Variants in TDRD12 observed in about 807,000 individuals in gnomAD.
TDRD12 encodes tudor domain containing 12.
In TDRD12, 158 loss-of-function variants were observed where a neutral mutation model predicts 133.5. The observed-to-expected ratio is 1.18, with a 90% CI of 1.04 to 1.35. The LOEUF is 1.35. TDRD12 is among the 40% of genes most tolerant of loss of function. TDRD12 has a pLI of 0.00. For missense variants in TDRD12, 1,443 were observed against 1,321.3 expected (o/e 1.09, Z -1.43); for synonymous variants, 460 against 477.9 (o/e 0.96, Z 0.49).
intron 13 of TDRD12, among the ~76,000 whole-genome samples, chr19:32,792,201 G>A (rs1410569072): frequency 3.3e-5 from 5 of 151,816 alleles, no homozygotes; most frequent in Non-Finnish European, 2.9e-5. Flanking sequence ...AGCTGAGATT[G>A]TGCCACTGAA....
At chr19:32,800,227 C>T in exon 17 of TDRD12, 1 of 1,532,552 alleles carries the variant, frequency 6.5e-7, no homozygotes, top group Non-Finnish European at 8.7e-7. Flanking sequence ...GGAATCTGCA[C>T]CACATCAGAT....
chr19:32,748,358 C>G, intron 4 of TDRD12, 118 bp from the exon 5 acceptor site: 1 of 1,019,670 alleles, frequency 9.8e-7, no homozygotes, highest in South Asian at 1.6e-5. Flanking sequence ...GCCCCATCAT[C>G]TGCATCACGT....
chr19:32,797,271 A>G (rs1971259266), intron 14 of TDRD12, among the ~76,000 whole-genome samples: 2 of 152,022 alleles, frequency 1.3e-5, no homozygotes, highest in African/African-American at 4.8e-5. Flanking sequence ...GTGAGCCACT[A>G]CACCCAGCCA....
chr19:32,785,213 A>G (rs2145643313), intron 11 of TDRD12, among the ~76,000 whole-genome samples: 1 of 152,300 alleles, frequency 6.6e-6, no homozygotes, highest in African/African-American at 2.4e-5. Flanking sequence ...TCATTTCATT[A>G]TGTATCCAGT....
At chr19:32,757,516 G>A (rs764371810) in intron 8 of TDRD12, among the ~76,000 whole-genome samples, 1 of 152,184 alleles carries the variant, frequency 6.6e-6, no homozygotes, top group Admixed American at 6.5e-5. Context: ...TTAAATTCCA[G>A]TCTTCAAGAT....
chr19:32,796,546 T>C (rs1187646051), intron 14 of TDRD12, among the ~76,000 whole-genome samples: 2 of 151,696 alleles, frequency 1.3e-5, no homozygotes, highest in Non-Finnish European at 2.9e-5. Flanking sequence ...GATCGCACCA[T>C]TGCACTCCAG....
At chr19:32,810,196 T>G in exon 23 of TDRD12, 1 of 1,536,102 alleles carries the variant, frequency 6.5e-7, no homozygotes, top group South Asian at 1.2e-5. Flanking sequence ...AATGAGTATT[T>G]TAAGGATTCT....
chr19:32,803,874 C>T (rs1971469409), intron 21 of TDRD12, among the ~76,000 whole-genome samples: 2 of 151,732 alleles, frequency 1.3e-5, no homozygotes, highest in African/African-American at 4.8e-5. Flanking sequence ...TGTGAAGTGC[C>T]CGTTGAGGTC....
At chr19:32,734,671 C>A (rs1166213251) in intron 2 of TDRD12, among the ~76,000 whole-genome samples, 1 of 152,120 alleles carries the variant, frequency 6.6e-6, no homozygotes, top group African/African-American at 2.4e-5. Flanking sequence ...CTGCGCCTGG[C>A]CCTTTACACT....
rs1350489719 is a variant in TDRD12, at chr19:32,810,285, A to T, written c.2837+8A>T. On this transcript the variant is annotated splice_region_variant and intron_variant, in intron 23 of 27. Coordinates refer to ENST00000444215, the Ensembl canonical transcript of TDRD12. ...AAAAACGCTTTTTCACAGGTAACAC[A>T]TCTGTTTACTTCATCTGTAAAGTTT... 1.3e-6 allele frequency: 2 copies of T among 1,499,698 alleles called. No individual in the cohort carries two copies. Among genetic ancestry groups the T allele is most frequent in the Admixed American group, 2.3e-5 (1 of 43,682 alleles). 92.9% of individuals were successfully genotyped at this position (1,499,698 alleles called of 1,614,324 possible).
Position 32,757,278 on chromosome 19 carries a change from A to T in TDRD12, c.865+148A>T, listed in dbSNP as rs62126489. ...TAACCAATTTGTGATGTAGATCCTG[A>T]AAGAGTTCATGTGTCCTGCATTTCA... On this transcript the variant is annotated intron_variant, in intron 8 of 27. Transcript: ENST00000444215. 46,323 of 685,894 alleles carry T rather than the reference A, an allele frequency of 0.068. 1,925 individuals are homozygous for T. The highest frequency in any genetic ancestry group is 0.079 in the Non-Finnish European group (31,755 of 402,314). 42.5% of individuals were successfully genotyped at this position (685,894 alleles called of 1,614,324 possible). A position where few individuals can be genotyped will look rare whatever the true frequency, so the allele number is the denominator to read the frequency against.
At chr19:32,794,550 G>T in intron 13 of TDRD12, 78 bp from the exon 14 acceptor site, 1 of 647,934 alleles carries the variant, frequency 1.5e-6, no homozygotes, top group Non-Finnish European at 2.8e-6. Flanking sequence ...TGCTTTTTGG[G>T]GTGAAATGAG....
At chr19:32,811,519 T>C in intron 24 of TDRD12, 99 bp downstream of exon 24, 1 of 1,187,152 alleles carries the variant, frequency 8.4e-7, no homozygotes, top group Non-Finnish European at 1.2e-6. Flanking sequence ...CAGTGTCACG[T>C]TTGGGCAGGG....
chr19:32,755,858 C>T (rs1969976871), intron 6 of TDRD12, 134 bp from the exon 7 acceptor site: 1 of 646,572 alleles, frequency 1.5e-6, no homozygotes, highest in African/African-American at 1.9e-5. Flanking sequence ...GGAGTCAAAT[C>T]TGTTTCTCTC....
At chr19:32,720,347 A>G (rs1599811308) in intron 1 of TDRD12, among the ~76,000 whole-genome samples, 1 of 54,308 alleles carries the variant, frequency 1.8e-5, no homozygotes, top group Non-Finnish European at 3.5e-5. Flanking sequence ...CTCTCAGCCC[A>G]CACCTACTCC....
Position 32,803,166 on chromosome 19 carries a change from T to C in TDRD12, c.2552+24T>C, listed in dbSNP as rs541878426. The C allele has an allele frequency of 2.2e-5, 33 of 1,472,858 alleles. 3 individuals are homozygous for C. In the African/African-American group the frequency reaches 2.5e-4, roughly 11 times the overall value. 91.2% of individuals were successfully genotyped at this position (1,472,858 alleles called of 1,614,324 possible). A position where few individuals can be genotyped will look rare whatever the true frequency, so the allele number is the denominator to read the frequency against. On this transcript the variant is annotated intron_variant, in intron 21 of 27. Transcript: ENST00000444215. ...AAGTGAGCCAGTAATTTGTTTCTTA[T>C]TAAACTGATGTATAACCTGCAGTAA...
chr19:32,763,810 TAGA>T (rs946369120), intron 8 of TDRD12, among the ~76,000 whole-genome samples: 2 of 152,200 alleles, frequency 1.3e-5, no homozygotes, highest in Non-Finnish European at 2.9e-5. Context: ...CCTGGTCCCA[TAGA>T]AGTTTATTCT....
At chr19:32,732,797 G>A (rs771778096) in intron 2 of TDRD12, among the ~76,000 whole-genome samples, 1 of 152,162 alleles carries the variant, frequency 6.6e-6, no homozygotes, top group African/African-American at 2.4e-5. Context: ...ATGTGCTGCC[G>A]AAGCAAGCAC....
At chr19:32,727,261 AT>A (rs1568443666) in intron 1 of TDRD12, among the ~76,000 whole-genome samples, 1 of 152,044 alleles carries the variant, frequency 6.6e-6, no homozygotes, top group African/African-American at 2.4e-5. Context: ...GGCCATTTGT[AT>A]ATCTTCTTTG....
Sources: allele counts gnomAD v4.1 joint callset (sites outside exome capture counted in the v4.1 genomes callset), GRCh38; gene constraint gnomAD v4.1.1; transcripts MANE v1.5; gene names NCBI Gene and HGNC (gene_info 2026-07-23, HGNC 2026-07-21).